GDA: variants seen among roughly 807,000 people sequenced by gnomAD.
GDA encodes guanine deaminase, also known as cytoplasmic PSD-95 interactor.
A neutral mutation model predicts 59.6 loss-of-function variants in GDA; 18 were observed. That is an observed-to-expected ratio of 0.30 (90% CI 0.21 to 0.45). The LOEUF (loss-of-function observed/expected upper bound fraction) is 0.45, where lower values mean the gene tolerates loss of function less well. GDA is among the 20% of genes least tolerant of loss of function. GDA has a pLI of 1.00. For synonymous variants in GDA, 201 were observed against 201.1 expected (o/e 1.00, Z 0.00); for missense variants, 427 against 552.3 (o/e 0.77, Z 2.27).
intron 4 of GDA, 123 bp downstream of exon 4, chr9:72,210,897 T>C (rs1835273242): frequency 3.1e-6 from 2 of 648,206 alleles, no homozygotes; most frequent in Admixed American, 2.6e-5. Flanking sequence ...GAGCATTACA[T>C]TTTTTGCAAG....
At chr9:72,130,789 A>G (rs774568231) in intron 1 of GDA, among the ~76,000 whole-genome samples, 1 of 152,166 alleles carries the variant, frequency 6.6e-6, no homozygotes, top group Non-Finnish European at 1.5e-5. Context: ...GGGTAAGTTT[A>G]GAGTTTAATT....
rs35524358 is a variant in GDA at position 72,225,988 on chromosome 9, AGTGTGT to A, written c.822+226_822+231del. On this transcript the variant is annotated intron_variant, in intron 8 of 13. Coordinates refer to ENST00000358399, the MANE Select transcript of GDA (RefSeq NM_004293.5). ...CATTTCTTAAATTAGAGTAAAGCCT[AGTGTGT>A]GTGTGTGTGTGTGTGTGTGTGCGTG... is the stretch of plus-strand genomic sequence containing the variant. 5.1e-3 allele frequency among the ~76,000 whole-genome samples: 750 copies of A among 148,002 alleles called. 6 individuals carry two copies. The highest frequency in any genetic ancestry group is 0.016 in the African/African-American group (652 of 40,310).
chr9:72,147,808 G>A (rs1311124285), upstream of GDA, among the ~76,000 whole-genome samples: 1 of 152,108 alleles, frequency 6.6e-6, no homozygotes, highest in Non-Finnish European at 1.5e-5. Context: ...GCTGGCTGTC[G>A]GTACTGCCAG....
intron 1 of GDA, among the ~76,000 whole-genome samples, chr9:72,189,166 CTTTT>C (rs71493640): frequency 7.3e-5 from 4 of 54,932 alleles, no homozygotes; most frequent in African/African-American, 2.3e-4. Flanking sequence ...AGACTCTAGA[CTTTT>C]TTTTTTTTTT....
intron 1 of GDA, among the ~76,000 whole-genome samples, chr9:72,124,680 CT>C (rs1331259839): frequency 2.6e-5 from 4 of 151,354 alleles, no homozygotes; most frequent in Admixed American, 6.6e-5. Context: ...AAGGAGTTTT[CT>C]TTTTTTTTAA....
rs1055739230 is a variant in GDA at position 72,225,535 on chromosome 9, T to C, written c.715-142T>C. 6 of 583,544 alleles carry C rather than the reference T, an allele frequency of 1.0e-5. No homozygotes were observed. In the African/African-American group the frequency reaches 1.1e-4, roughly 11 times the overall value. The allele number at this position is 583,544 out of a possible 1,614,324, so 36.1% of individuals were successfully genotyped here. ...ATGAATATAATTGTTTCTAACAAAA[T>C]GCATGTGTAATCTTCATTGCCTTTC... On this transcript the variant is annotated intron_variant, in intron 7 of 13. Coordinates refer to ENST00000358399, the MANE Select transcript of GDA (RefSeq NM_004293.5).
Position 72,249,179 on chromosome 9 carries a change from C to A in GDA, c.*837C>A. 1.0e-6 allele frequency: 1 copy of A among 983,318 alleles called. No homozygotes were observed. Among genetic ancestry groups the A allele is most frequent in the Non-Finnish European group, 1.2e-6 (1 of 828,048 alleles). The allele number at this position is 983,318 out of a possible 1,614,324, so 60.9% of individuals were successfully genotyped here. On this transcript the variant is annotated 3_prime_UTR_variant, in exon 14 of 14. Coordinates refer to ENST00000358399, the MANE Select transcript of GDA (RefSeq NM_004293.5). ...TGCTTCCATTTTATTAGAAGAGAAA[C>A]AAATTCCATGCTTTATGGAATTTAT...
intron 1 of GDA, among the ~76,000 whole-genome samples, chr9:72,177,231 T>C (rs1830655130): frequency 6.6e-6 from 1 of 151,168 alleles, no homozygotes; most frequent in Non-Finnish European, 1.5e-5. Context: ...CCCAAGTAGC[T>C]GGGATTACAG....
intron 4 of GDA, among the ~76,000 whole-genome samples, chr9:72,213,028 T>C (rs1391878422): frequency 6.6e-6 from 1 of 152,162 alleles, no homozygotes; most frequent in African/African-American, 2.4e-5. Flanking sequence ...CCCAGCACTT[T>C]GGGAGGCCCA....
intron 12 of GDA, among the ~76,000 whole-genome samples, chr9:72,246,423 T>C (rs982448332): frequency 6.6e-6 from 1 of 152,224 alleles, no homozygotes; most frequent in African/African-American, 2.4e-5. Context: ...GTTGGGATTA[T>C]AGGCGTGAGC....
At chr9:72,134,665 A>G (rs1826153905) in intron 1 of GDA, among the ~76,000 whole-genome samples, 1 of 152,128 alleles carries the variant, frequency 6.6e-6, no homozygotes, top group African/African-American at 2.4e-5. Flanking sequence ...CAGCCTCCCA[A>G]AGTGCTGGGA....
chr9:72,152,223 C>G (rs1004437552), intron 1 of GDA, among the ~76,000 whole-genome samples: 1 of 152,204 alleles, frequency 6.6e-6, no homozygotes, highest in Non-Finnish European at 1.5e-5. Context: ...GGTAGAATCT[C>G]AGCGAGAGGG....
At chr9:72,121,510 T>C (rs1825660244) in intron 1 of GDA, among the ~76,000 whole-genome samples, 1 of 152,118 alleles carries the variant, frequency 6.6e-6, no homozygotes. Context: ...GGCAGGAGAA[T>C]CACTTGAACC....
At chr9:72,238,652 A>G (rs1839280743) in intron 10 of GDA, among the ~76,000 whole-genome samples, 1 of 152,200 alleles carries the variant, frequency 6.6e-6, no homozygotes, top group Admixed American at 6.5e-5. Flanking sequence ...GCTCTTGCAT[A>G]ATTTTGTTAG....
rs765243695 is a variant in GDA at position 72,219,440 on chromosome 9, A to G, written c.579-39A>G. 9.6e-6 allele frequency: 14 copies of G among 1,456,090 alleles called. No homozygotes were observed. The South Asian group carries it at 1.7e-4, about 18-fold the overall frequency. 90.2% of individuals were successfully genotyped at this position (1,456,090 alleles called of 1,614,324 possible). ...ATAATAAAGAAAAGAAAAAAAGAAA[A>G]TGCTCAAGTTTTCTAACCCATTTGT... On this transcript the variant is annotated intron_variant, in intron 5 of 13. Transcript: ENST00000358399.
chr9:72,216,205 A>G (rs184814451), intron 5 of GDA, among the ~76,000 whole-genome samples: 17 of 152,336 alleles, frequency 1.1e-4, no homozygotes, highest in African/African-American at 3.8e-4. Context: ...TTTTATACCC[A>G]GATGAAACTG....
At chr9:72,116,796 T>G (rs1382747598) in intron 1 of GDA, among the ~76,000 whole-genome samples, 2 of 152,218 alleles carry the variant, frequency 1.3e-5, no homozygotes, top group African/African-American at 4.8e-5. Context: ...TTTATTATAC[T>G]TTAAGTTCTA....
chr9:72,153,270 G>A (rs1827451184), intron 1 of GDA, among the ~76,000 whole-genome samples: 1 of 152,016 alleles, frequency 6.6e-6, no homozygotes, highest in African/African-American at 2.4e-5. Flanking sequence ...ACTTGGTGAT[G>A]CGGGCTCTTT....
chr9:72,173,875 G>C (rs550462975), intron 1 of GDA, among the ~76,000 whole-genome samples: 311 of 152,232 alleles, frequency 2.0e-3, no homozygotes, highest in African/African-American at 7.2e-3. Context: ...CTAGCAAGTT[G>C]TGTGGGTTCT....
Sources: allele counts gnomAD v4.1 joint callset (sites outside exome capture counted in the v4.1 genomes callset), GRCh38; gene constraint gnomAD v4.1.1; transcripts MANE v1.5; gene names NCBI Gene and HGNC (gene_info 2026-07-23, HGNC 2026-07-21).